Variants in KAZN observed in about 807,000 individuals in gnomAD.
KAZN encodes the protein kazrin, periplakin interacting protein, also known as kazrin.
In KAZN, 40 loss-of-function variants were observed where a neutral mutation model predicts 87.4. The ratio of observed to expected loss-of-function variants is 0.46; its 90% CI spans 0.36 to 0.60. The LOEUF (loss-of-function observed/expected upper bound fraction) is 0.60, where lower values mean the gene tolerates loss of function less well. Ranked by LOEUF, KAZN falls within the 20% of genes least tolerant of loss-of-function variation. The probability of loss-of-function intolerance (pLI) is 0.00; values close to 1 mark genes in which losing one functional copy is unlikely to be tolerated. For synonymous variants in KAZN, 466 were observed against 458.3 expected (o/e 1.02, Z -0.22); for missense variants, 898 against 1,073.9 (o/e 0.84, Z 2.29).
chr1:14,729,176 C>G (rs1237210327), intron 1 of KAZN, among the ~76,000 whole-genome samples: 2 of 152,186 alleles, frequency 1.3e-5, no homozygotes, highest in Non-Finnish European at 2.9e-5. Flanking sequence ...CTGCCCACGT[C>G]TAGGGCCTGT....
chr1:14,432,802 T>A (rs12076515), intron 2 of KAZN, among the ~76,000 whole-genome samples: 5,294 of 152,178 alleles, frequency 0.035, 299 homozygotes, highest in African/African-American at 0.12. Context: ...CAGTTCCCAC[T>A]TGTAAGTGAG....
intron 2 of KAZN, among the ~76,000 whole-genome samples, chr1:14,458,577 C>T (rs912958051): frequency 6.6e-6 from 1 of 152,134 alleles, no homozygotes; most frequent in Non-Finnish European, 1.5e-5. Context: ...CCCTTTTCTC[C>T]GGGGAGGCTC....
At chr1:14,979,322 T>C (rs1665996456) in intron 2 of KAZN, among the ~76,000 whole-genome samples, 1 of 151,750 alleles carries the variant, frequency 6.6e-6, no homozygotes, top group African/African-American at 2.4e-5. Flanking sequence ...GGCAGAAGAA[T>C]TGCTTGAACC....
chr1:14,580,650 G>C (rs975222034), intron 2 of KAZN, among the ~76,000 whole-genome samples: 4 of 152,118 alleles, frequency 2.6e-5, no homozygotes, highest in African/African-American at 4.8e-5. Context: ...TAGGAGAAAA[G>C]GGACTAACAT....
At chr1:14,744,619 C>T (rs1425649883) in intron 1 of KAZN, among the ~76,000 whole-genome samples, 2 of 151,994 alleles carry the variant, frequency 1.3e-5, no homozygotes, top group African/African-American at 4.8e-5. Flanking sequence ...GCCTGTAGTC[C>T]CAGCTACTCG....
intron 1 of KAZN, among the ~76,000 whole-genome samples, chr1:14,831,984 C>G (rs994941678): frequency 7.2e-5 from 11 of 152,108 alleles, no homozygotes; most frequent in African/African-American, 2.7e-4. Flanking sequence ...CACCTGAGAT[C>G]AGGAGTTCGA....
In KAZN at chr1:15,077,111, A is replaced by AGTGTGTG. The variant is rs1479883800; in HGVS notation, c.1222+11358_1222+11359insGTGTGTG. On this transcript the variant is annotated intron_variant, in intron 8 of 14. Coordinates refer to ENST00000376030, the MANE Select transcript of KAZN (RefSeq NM_201628.3). This position sits in a 1 kb window ranked among gnomAD's most constrained non-coding sequence, Gnocchi z 4.8. ...TTCCAGAGCTCCAGATCTTCTAGAGAAGCCAAATATCTCACATAATACACC... is the reference window on the plus strand; with the variant it reads ...TTCCAGAGCTCCAGATCTTCTAGAGAGTGTGTGAGCCAAATATCTCACATAATACACC... Among the ~76,000 whole-genome samples, 4 of 152,216 alleles carry AGTGTGTG rather than the reference A, an allele frequency of 2.6e-5. No individual in the cohort carries two copies.
chr1:13,925,547 A>G (rs879877375), intron 1 of KAZN, among the ~76,000 whole-genome samples: 22 of 125,976 alleles, frequency 1.7e-4, no homozygotes, highest in Non-Finnish European at 3.6e-4. Context: ...AGATTAAGGA[A>G]TGTCCCGGTA....
At chr1:14,846,275 T>A (rs978915100) in intron 1 of KAZN, among the ~76,000 whole-genome samples, 5 of 152,186 alleles carry the variant, frequency 3.3e-5, no homozygotes, top group Non-Finnish European at 5.9e-5. Context: ...ATCTAGCATT[T>A]CCCAAATGTA....
At chr1:14,426,646 G>A (rs1665747062) in intron 2 of KAZN, among the ~76,000 whole-genome samples, 1 of 152,138 alleles carries the variant, frequency 6.6e-6, no homozygotes, top group South Asian at 2.1e-4. Context: ...CCCAACCTGA[G>A]ACTGAGACTT....
At chr1:13,947,203 G>A (rs1641179256) in intron 1 of KAZN, among the ~76,000 whole-genome samples, 2 of 152,166 alleles carry the variant, frequency 1.3e-5, no homozygotes, top group Admixed American at 6.5e-5. Flanking sequence ...ATGGCAGAAG[G>A]GGAAGAAGGC....
intron 2 of KAZN, among the ~76,000 whole-genome samples, chr1:14,428,036 C>T (rs1227828936): frequency 1.3e-5 from 2 of 152,116 alleles, no homozygotes; most frequent in Non-Finnish European, 2.9e-5. Flanking sequence ...TGAATGAGGG[C>T]CCTGGCAAGG....
chr1:14,235,307 A>G (rs902761061), intron 2 of KAZN, among the ~76,000 whole-genome samples: 3 of 152,262 alleles, frequency 2.0e-5, no homozygotes, highest in Non-Finnish European at 4.4e-5. Flanking sequence ...AGGATGAACT[A>G]CTATAACATG....
At chr1:14,164,660 C>T (rs1645785002) in intron 1 of KAZN, among the ~76,000 whole-genome samples, 1 of 151,510 alleles carries the variant, frequency 6.6e-6, no homozygotes, top group Non-Finnish European at 1.5e-5. Context: ...CCTGCCTCAG[C>T]CTCCGAAGTA....
At chr1:14,199,277 C>T (rs1646590652) in intron 2 of KAZN, among the ~76,000 whole-genome samples, 1 of 152,158 alleles carries the variant, frequency 6.6e-6, no homozygotes. Flanking sequence ...CTCCCACCCT[C>T]ACCGCCCTTT....
chr1:14,988,349 G>A (rs915939631), intron 2 of KAZN, among the ~76,000 whole-genome samples: 11 of 152,196 alleles, frequency 7.2e-5, no homozygotes, highest in South Asian at 2.1e-4. Context: ...AGGCAGACAC[G>A]GAGCCCCCAG....
intron 1 of KAZN, among the ~76,000 whole-genome samples, chr1:14,105,114 T>G (rs1644339644): frequency 6.6e-6 from 1 of 152,218 alleles, no homozygotes; most frequent in African/African-American, 2.4e-5. Flanking sequence ...CCAGGTTCTA[T>G]GCTAAGCAGA....
At chr1:14,792,552 G>A (rs780459024) in intron 1 of KAZN, among the ~76,000 whole-genome samples, 1 of 152,166 alleles carries the variant, frequency 6.6e-6, no homozygotes, top group Non-Finnish European at 1.5e-5. Context: ...TCCAAAAGGA[G>A]AGGAATCTTG....
intron 1 of KAZN, among the ~76,000 whole-genome samples, chr1:14,886,463 C>CACAGAG (rs397979311): frequency 7.4e-6 from 1 of 135,872 alleles, no homozygotes; most frequent in African/African-American, 2.6e-5. Flanking sequence ...CACACACACA[C>CACAGAG]AGAGAGAGAC....
Sources: allele counts gnomAD v4.1 joint callset (sites outside exome capture counted in the v4.1 genomes callset), GRCh38; gene constraint gnomAD v4.1.1; non-coding constraint Gnocchi (gnomAD v3.1); transcripts MANE v1.5; gene names NCBI Gene and HGNC (gene_info 2026-07-23, HGNC 2026-07-21).